The following HPSE2 variants were observed in gnomAD, a reference collection of about 807,000 sequenced individuals.
HPSE2 encodes inactive heparanase-2.
Under a neutral mutation model 60.5 loss-of-function variants are expected in HPSE2, and 38 were observed. The observed-to-expected ratio is 0.63, with a 90% CI of 0.48 to 0.82. The LOEUF (loss-of-function observed/expected upper bound fraction) is 0.82. HPSE2 is among the 40% of genes least tolerant of loss of function. The pLI, the probability that HPSE2 is intolerant of heterozygous loss-of-function variation, is 0.00. For missense variants in HPSE2, 713 were observed against 740.4 expected, an observed-to-expected ratio of 0.96 and a Z score of 0.43; for synonymous variants, 295 against 293.2, an observed-to-expected ratio of 1.01 and a Z score of -0.06.
intron 2 of HPSE2, among the ~76,000 whole-genome samples, chr10:99,218,814 C>A (rs572324003): frequency 1.3e-5 from 2 of 152,130 alleles, no homozygotes; most frequent in South Asian, 4.1e-4. Flanking sequence ...CTAAGCCTAG[C>A]CTATAGATCC....
chr10:98,614,662 C>G (rs1945852926), intron 9 of HPSE2, among the ~76,000 whole-genome samples: 1 of 151,820 alleles, frequency 6.6e-6, no homozygotes, highest in Non-Finnish European at 1.5e-5. Flanking sequence ...GCATACTGCA[C>G]ATACATATGT....
chr10:98,952,852 C>T (rs2135199793), intron 3 of HPSE2, among the ~76,000 whole-genome samples: 2 of 152,202 alleles, frequency 1.3e-5, no homozygotes, highest in African/African-American at 4.8e-5. Context: ...TGGAATAGGA[C>T]CCTACCCTGA....
chr10:99,222,219 C>A (rs1849338140), intron 2 of HPSE2, among the ~76,000 whole-genome samples: 1 of 152,038 alleles, frequency 6.6e-6, no homozygotes, highest in Non-Finnish European at 1.5e-5. Flanking sequence ...AAATCACCAG[C>A]TTTGGAGAGA....
chr10:98,827,579 G>T (rs1951581823), intron 3 of HPSE2, among the ~76,000 whole-genome samples: 1 of 152,186 alleles, frequency 6.6e-6, no homozygotes, highest in Non-Finnish European at 1.5e-5. Flanking sequence ...ACAGAAAAGG[G>T]CAGAAAGATG....
At chr10:98,779,793 G>T (rs939252329) in intron 3 of HPSE2, among the ~76,000 whole-genome samples, 3 of 152,024 alleles carry the variant, frequency 2.0e-5, no homozygotes, top group Admixed American at 1.3e-4. Context: ...ATTTCTAAAA[G>T]CTCACAAACT....
At chr10:98,919,121 G>C (rs1224688755) in intron 3 of HPSE2, among the ~76,000 whole-genome samples, 1 of 152,134 alleles carries the variant, frequency 6.6e-6, no homozygotes, top group Non-Finnish European at 1.5e-5. Context: ...GATCAATGCT[G>C]ACTAGAAATC....
At chr10:98,624,486 A>G (rs894135121) in intron 7 of HPSE2, among the ~76,000 whole-genome samples, 2 of 152,152 alleles carry the variant, frequency 1.3e-5, no homozygotes, top group Admixed American at 6.5e-5. Context: ...AGGTCAGAGA[A>G]GAAAGGAGTA....
the HPSE2 span, among the ~76,000 whole-genome samples, chr10:99,282,034 C>T: frequency 9.9e-5 from 15 of 151,986 alleles, no homozygotes; most frequent in African/African-American, 3.6e-4. Context: ...CCGAGGTAGG[C>T]AGATCACAAG....
intron 4 of HPSE2, among the ~76,000 whole-genome samples, chr10:98,743,145 G>A (rs1469624055): frequency 1.3e-5 from 2 of 151,664 alleles, no homozygotes; most frequent in Non-Finnish European, 2.9e-5. Context: ...GCTAATTTTT[G>A]TATTTTTAAT....
At chr10:98,862,134 C>T (rs1003614597) in intron 3 of HPSE2, among the ~76,000 whole-genome samples, 1 of 152,178 alleles carries the variant, frequency 6.6e-6, no homozygotes, top group Non-Finnish European at 1.5e-5. Context: ...ATAGATATCT[C>T]ATTGTGCGGA....
intron 3 of HPSE2, among the ~76,000 whole-genome samples, chr10:99,123,958 G>A (rs1314511969): frequency 6.6e-6 from 1 of 152,026 alleles, no homozygotes; most frequent in Non-Finnish European, 1.5e-5. Context: ...TGATGAGTGT[G>A]CAGTTCTCAG....
At chr10:99,025,984 A>G (rs748142835) in intron 3 of HPSE2, among the ~76,000 whole-genome samples, 1 of 152,140 alleles carries the variant, frequency 6.6e-6, no homozygotes, top group Non-Finnish European at 1.5e-5. Flanking sequence ...ACAAAATAAT[A>G]AAAAGCAAGA....
chr10:99,225,795 A>G (rs371657563), intron 2 of HPSE2, among the ~76,000 whole-genome samples: 6 of 152,026 alleles, frequency 3.9e-5, no homozygotes, highest in African/African-American at 1.4e-4. Context: ...TACTATGCCT[A>G]AATTTCAAGA....
chr10:98,551,535 A>G (rs1412399979), intron 9 of HPSE2, among the ~76,000 whole-genome samples: 1 of 152,148 alleles, frequency 6.6e-6, no homozygotes, highest in East Asian at 1.9e-4. Flanking sequence ...AACTAAGCCA[A>G]TCAAATTTTC....
chr10:98,468,456 G>A (rs1012816461), intron 11 of HPSE2, among the ~76,000 whole-genome samples: 8 of 152,034 alleles, frequency 5.3e-5, no homozygotes, highest in Admixed American at 1.3e-4. Context: ...CCTGGAATCC[G>A]GTGGAATCTC....
chr10:99,092,591 A>G (rs959831450), intron 3 of HPSE2, among the ~76,000 whole-genome samples: 1 of 152,234 alleles, frequency 6.6e-6, no homozygotes, highest in African/African-American at 2.4e-5. Flanking sequence ...AAGCATAATC[A>G]ACTGAAGTTT....
chr10:98,655,265 T>G (rs1445480986), intron 6 of HPSE2, among the ~76,000 whole-genome samples: 3 of 152,074 alleles, frequency 2.0e-5, no homozygotes, highest in Non-Finnish European at 4.4e-5. Context: ...TGGTCATATT[T>G]CACAATGATT....
At chr10:98,703,465 C>A (rs1360286859) in intron 5 of HPSE2, among the ~76,000 whole-genome samples, 1 of 90,002 alleles carries the variant, frequency 1.1e-5, no homozygotes, top group African/African-American at 2.9e-5. Flanking sequence ...CAGAACCTGG[C>A]AGAGACACAA....
At chr10:98,745,062 C>T (rs748620569) in intron 3 of HPSE2, among the ~76,000 whole-genome samples, 5 of 152,072 alleles carry the variant, frequency 3.3e-5, no homozygotes, top group South Asian at 4.1e-4. Context: ...ATTAGCCAGG[C>T]GCGGTGGCGG....
Sources: gnomAD v4.1 joint callset for allele counts (sites outside exome capture counted in the v4.1 genomes callset) on GRCh38, gnomAD v4.1.1 for gene constraint, MANE v1.5 for transcripts, NCBI Gene and HGNC (gene_info 2026-07-23, HGNC 2026-07-21) for gene names.